The following P4HA3 variants were observed in gnomAD, a reference collection of about 807,000 sequenced individuals.
The protein encoded by P4HA3 is prolyl 4-hydroxylase subunit alpha 3.
A neutral mutation model predicts 66.7 loss-of-function variants in P4HA3; 60 were observed. That is an observed-to-expected ratio of 0.90 (90% confidence interval 0.73 to 1.12). The LOEUF is 1.12. Among genes scored for constraint, P4HA3 ranks in the 50% most tolerant of loss-of-function variants. The pLI, the probability that P4HA3 is intolerant of heterozygous loss-of-function variation, is 0.00. For missense variants in P4HA3, 683 were observed against 685.8 expected (o/e 1.00, Z 0.05); for synonymous variants, 263 against 274.6 (o/e 0.96, Z 0.42).
intron 15 of P4HA3, among the ~76,000 whole-genome samples, chr11:74,259,097 G>A (rs563108351): frequency 5.9e-4 from 90 of 152,232 alleles, no homozygotes; most frequent in African/African-American, 1.9e-3. Context: ...TCCCTGGGAC[G>A]TCCTTCTCAA....
chr11:74,308,492 T>C (rs939417013), intron 1 of P4HA3, among the ~76,000 whole-genome samples: 1 of 152,182 alleles, frequency 6.6e-6, no homozygotes, highest in Non-Finnish European at 1.5e-5. Flanking sequence ...TGAGCTATGA[T>C]AGAGCCACTG....
chr11:74,310,686 T>C (rs1432152843), intron 1 of P4HA3, among the ~76,000 whole-genome samples: 1 of 152,208 alleles, frequency 6.6e-6, no homozygotes, highest in Non-Finnish European at 1.5e-5. Flanking sequence ...AAAATATGTG[T>C]TGTATGAATT....
intron 8 of P4HA3, among the ~76,000 whole-genome samples, chr11:74,278,941 A>G (rs1215952650): frequency 2.0e-5 from 3 of 152,110 alleles, no homozygotes; most frequent in African/African-American, 7.2e-5. Context: ...CTGGGCTCTC[A>G]CAGCTGAATC....
chr11:74,255,646 AAGT>A (rs1859814761), intron 15 of P4HA3, among the ~76,000 whole-genome samples: 1 of 152,228 alleles, frequency 6.6e-6, no homozygotes, highest in African/African-American at 2.4e-5. Flanking sequence ...GACATTTAAT[AAGT>A]AGTTCCTGTT....
At chr11:74,302,664 T>C in intron 2 of P4HA3, 72 bp from the exon 3 acceptor site, 1 of 1,326,112 alleles carries the variant, frequency 7.5e-7, no homozygotes. Flanking sequence ...ATGTAAGGCA[T>C]GACCACCTGT....
chr11:74,271,592 G>C (rs1026186300), intron 10 of P4HA3, among the ~76,000 whole-genome samples: 1 of 151,854 alleles, frequency 6.6e-6, no homozygotes, highest in South Asian at 2.1e-4. Context: ...GAACTGCTGG[G>C]CTCAAGCGAT....
At chr11:74,255,692 T>G (rs1859815708) in intron 15 of P4HA3, among the ~76,000 whole-genome samples, 1 of 152,096 alleles carries the variant, frequency 6.6e-6, no homozygotes, top group South Asian at 2.1e-4. Flanking sequence ...GTTAGGAACT[T>G]TATTCAGGGC....
chr11:74,277,933 T>A (rs1293604896), intron 8 of P4HA3, among the ~76,000 whole-genome samples: 1 of 152,238 alleles, frequency 6.6e-6, no homozygotes, highest in Non-Finnish European at 1.5e-5. Context: ...TGGATTAGTG[T>A]GTTCATTCTT....
intron 15 of P4HA3, chr11:74,252,635 G>T: frequency 2.3e-6 from 1 of 426,682 alleles, no homozygotes; most frequent in South Asian, 1.7e-5. Context: ...GTGCATTGTA[G>T]GATGCTTAGC....
intron 15 of P4HA3, among the ~76,000 whole-genome samples, chr11:74,255,291 C>A (rs1247376096): frequency 1.3e-5 from 2 of 152,212 alleles, no homozygotes; most frequent in Non-Finnish European, 2.9e-5. Context: ...AAATCCTGTT[C>A]ATCCTCTTTT....
chr11:74,292,177 GATGT>G (rs891824532), intron 4 of P4HA3, among the ~76,000 whole-genome samples: 4 of 152,190 alleles, frequency 2.6e-5, no homozygotes, highest in Non-Finnish European at 5.9e-5. Context: ...GTCTTGGGAG[GATGT>G]ATGTGTCAAG....
At chr11:74,269,513 C>A (rs1008068848) in intron 11 of P4HA3, 139 bp downstream of exon 11, 19 of 790,228 alleles carry the variant, frequency 2.4e-5, no homozygotes, top group Non-Finnish European at 2.0e-6. Flanking sequence ...ATGGGATGAT[C>A]TGTGATTCTG....
chr11:74,291,352 C>G (rs1434672533), intron 4 of P4HA3, among the ~76,000 whole-genome samples: 2 of 152,124 alleles, frequency 1.3e-5, no homozygotes, highest in Non-Finnish European at 2.9e-5. Flanking sequence ...TAGGCTGAGA[C>G]GATGGGGTTT....
At chr11:74,270,613 C>A (rs1441389619) in intron 10 of P4HA3, among the ~76,000 whole-genome samples, 1 of 152,172 alleles carries the variant, frequency 6.6e-6, no homozygotes, top group Non-Finnish European at 1.5e-5. Flanking sequence ...TATATTATCT[C>A]ATTTATTCCT....
At chr11:74,279,589 A>C in intron 7 of P4HA3, 137 bp from the exon 8 acceptor site, 1 of 769,392 alleles carries the variant, frequency 1.3e-6, no homozygotes, top group Non-Finnish European at 2.3e-6. Context: ...GACATTTTGC[A>C]TGTGGGACTA....
chr11:74,263,708 G>GATA (rs1288979346), downstream of P4HA3, among the ~76,000 whole-genome samples: 2 of 152,182 alleles, frequency 1.3e-5, no homozygotes, highest in Non-Finnish European at 2.9e-5. Context: ...AAATGATAAT[G>GATA]ATAATAGACT....
intron 9 of P4HA3, among the ~76,000 whole-genome samples, chr11:74,275,601 T>C (rs1384611459): frequency 2.0e-5 from 3 of 152,222 alleles, no homozygotes; most frequent in African/African-American, 4.8e-5. Flanking sequence ...TGAGATCAGA[T>C]AGTGTATGTC....
At chr11:74,265,044 A>T (rs1859968440), downstream of P4HA3, among the ~76,000 whole-genome samples, 1 of 152,204 alleles carries the variant, frequency 6.6e-6, no homozygotes, top group African/African-American at 2.4e-5. Flanking sequence ...TTATCTGTAA[A>T]ATGGGGATAA....
chr11:74,291,158 C>T (rs1591120110), intron 4 of P4HA3, among the ~76,000 whole-genome samples: 2 of 152,130 alleles, frequency 1.3e-5, no homozygotes, highest in East Asian at 3.8e-4. Context: ...AGAGGTCCTT[C>T]CCATCCCTTG....
Sources: allele counts gnomAD v4.1 joint callset (sites outside exome capture counted in the v4.1 genomes callset), GRCh38; gene constraint gnomAD v4.1.1; transcripts MANE v1.5; gene names NCBI Gene and HGNC (gene_info 2026-07-23, HGNC 2026-07-21).